Variants in CPNE4 observed in about 807,000 individuals in gnomAD.
CPNE4 encodes the protein copine 4, also known as copine-4.
CPNE4 carries 25 observed loss-of-function variants against 67.9 expected under a neutral mutation model. That is an observed-to-expected ratio of 0.37 (90% CI 0.27 to 0.51). The LOEUF is 0.51. Ranked by LOEUF, CPNE4 falls within the 20% of genes least tolerant of loss-of-function variation. The pLI is 0.93. For missense variants in CPNE4, 464 were observed against 690.8 expected, an observed-to-expected ratio of 0.67 and a Z score of 3.68; for synonymous variants, 242 against 244.9, an observed-to-expected ratio of 0.99 and a Z score of 0.11.
chr3:131,603,417 G>A (rs6767491), intron 7 of CPNE4, among the ~76,000 whole-genome samples: 19,891 of 152,006 alleles, frequency 0.13, 1,828 homozygotes, highest in African/African-American at 0.26. Context: ...GGATGAATGA[G>A]TGAGTGAACA....
chr3:131,597,435 A>T (rs544373985), intron 7 of CPNE4, among the ~76,000 whole-genome samples: 1 of 152,328 alleles, frequency 6.6e-6, no homozygotes, highest in African/African-American at 2.4e-5. Context: ...CGTTCTGCAC[A>T]TGTAACCCGG....
intron 9 of CPNE4, among the ~76,000 whole-genome samples, chr3:131,581,236 G>A (rs186099393): frequency 2.6e-5 from 4 of 152,164 alleles, no homozygotes; most frequent in East Asian, 1.9e-4. Context: ...ACTGGACACC[G>A]TGAAGGGCAC....
At chr3:131,834,767 A>G in intron 2 of CPNE4, among the ~76,000 whole-genome samples, 1 of 152,166 alleles carries the variant, frequency 6.6e-6, no homozygotes, top group Admixed American at 6.5e-5. Flanking sequence ...TAATGAAAAC[A>G]AAAAGAAAAC....
chr3:131,614,073 T>G (rs1940003032), intron 7 of CPNE4, among the ~76,000 whole-genome samples: 3 of 152,188 alleles, frequency 2.0e-5, no homozygotes, highest in Admixed American at 1.3e-4. Flanking sequence ...ATGAGTTGTC[T>G]TGAGGATTTT....
At chr3:131,809,507 C>A (rs976949963) in intron 2 of CPNE4, among the ~76,000 whole-genome samples, 15 of 150,636 alleles carry the variant, frequency 1.0e-4, no homozygotes, top group African/African-American at 3.7e-4. Flanking sequence ...AGTGAATACC[C>A]CTTCCCGCTT....
chr3:131,726,004 T>G (rs944277247), intron 2 of CPNE4, among the ~76,000 whole-genome samples: 1 of 152,350 alleles, frequency 6.6e-6, no homozygotes, highest in African/African-American at 2.4e-5. Context: ...TTTAATTATA[T>G]TTATATTGTA....
chr3:131,744,836 T>C (rs1292666047), intron 2 of CPNE4, among the ~76,000 whole-genome samples: 1 of 152,202 alleles, frequency 6.6e-6, no homozygotes, highest in Non-Finnish European at 1.5e-5. Flanking sequence ...AACACTCACT[T>C]GTTGAAGAAC....
chr3:131,976,783 G>A (rs994164479), intron 1 of CPNE4, among the ~76,000 whole-genome samples: 1 of 151,692 alleles, frequency 6.6e-6, no homozygotes, highest in African/African-American at 2.4e-5. Flanking sequence ...AGTGATAAAG[G>A]AACAACATTA....
intron 1 of CPNE4, among the ~76,000 whole-genome samples, chr3:132,033,317 G>A (rs2074275809): frequency 6.6e-6 from 1 of 152,192 alleles, no homozygotes; most frequent in African/African-American, 2.4e-5. Context: ...GTTTTGCATA[G>A]TTTTGAACAC....
At chr3:131,668,288 G>A (rs1344452657) in intron 7 of CPNE4, among the ~76,000 whole-genome samples, 2 of 152,170 alleles carry the variant, frequency 1.3e-5, no homozygotes, top group African/African-American at 2.4e-5. Context: ...TCAAAAAATT[G>A]TATCTGTCAG....
chr3:131,865,770 T>C (rs986637918), intron 2 of CPNE4, among the ~76,000 whole-genome samples: 11 of 152,164 alleles, frequency 7.2e-5, no homozygotes, highest in African/African-American at 2.7e-4. Flanking sequence ...GAAGCAGACC[T>C]GGAGAGAGAT....
intron 2 of CPNE4, among the ~76,000 whole-genome samples, chr3:131,807,828 T>C (rs1440144818): frequency 6.6e-6 from 1 of 152,126 alleles, no homozygotes; most frequent in Non-Finnish European, 1.5e-5. Context: ...TCAAATATAT[T>C]CTCCATGATA....
chr3:131,969,371 T>TA (rs148483931), intron 1 of CPNE4, among the ~76,000 whole-genome samples: 9,947 of 148,994 alleles, frequency 0.067, 393 homozygotes, highest in South Asian at 0.12. Context: ...CTTAAAATAT[T>TA]AAAAAAAAAA....
At chr3:131,905,154 C>T (rs923877046) in intron 2 of CPNE4, 110 bp downstream of exon 2, 3 of 953,528 alleles carry the variant, frequency 3.1e-6, no homozygotes, top group Admixed American at 2.4e-5. Flanking sequence ...ATATTCACTT[C>T]TCAAATTTCT....
At chr3:131,771,181 C>T (rs1227252785) in intron 2 of CPNE4, among the ~76,000 whole-genome samples, 3 of 152,034 alleles carry the variant, frequency 2.0e-5, no homozygotes, top group Non-Finnish European at 4.4e-5. Flanking sequence ...AATAGATGCT[C>T]GATCAATAGA....
chr3:131,878,793 T>A (rs1254318913), intron 2 of CPNE4, among the ~76,000 whole-genome samples: 1 of 152,200 alleles, frequency 6.6e-6, no homozygotes, highest in Non-Finnish European at 1.5e-5. Flanking sequence ...CTTATCTCTA[T>A]ATACAGACCT....
At chr3:131,733,778 A>T (rs1290538401) in intron 2 of CPNE4, among the ~76,000 whole-genome samples, 1 of 152,122 alleles carries the variant, frequency 6.6e-6, no homozygotes. Context: ...TGTTCCCACC[A>T]TCTCATTTCT....
chr3:131,613,225 G>A (rs1298164250), intron 7 of CPNE4, among the ~76,000 whole-genome samples: 1 of 152,130 alleles, frequency 6.6e-6, no homozygotes, highest in African/African-American at 2.4e-5. Flanking sequence ...CTTACCAGAG[G>A]TTCTTCCTCC....
At chr3:131,818,059 A>T (rs1173434807) in intron 2 of CPNE4, among the ~76,000 whole-genome samples, 1 of 152,218 alleles carries the variant, frequency 6.6e-6, no homozygotes, top group Non-Finnish European at 1.5e-5. Flanking sequence ...TTTTCAAAGG[A>T]ACACCCTAAA....
Sources: gnomAD v4.1 joint callset for allele counts (sites outside exome capture counted in the v4.1 genomes callset) on GRCh38, gnomAD v4.1.1 for gene constraint, MANE v1.5 for transcripts, NCBI Gene and HGNC (gene_info 2026-07-23, HGNC 2026-07-21) for gene names.